The following NIPAL2 variants were observed in gnomAD, a reference collection of about 807,000 sequenced individuals.
NIPAL2 encodes the protein NIPA like domain containing 2, also known as NIPA-like protein 2.
NIPAL2 carries 43 observed loss-of-function variants against 48.9 expected under a neutral mutation model. The ratio of observed to expected loss-of-function variants is 0.88; its 90% confidence interval spans 0.69 to 1.13. The LOEUF (loss-of-function observed/expected upper bound fraction) is 1.13. NIPAL2 is among the 50% of genes most tolerant of loss of function. NIPAL2 has a pLI of 0.00. For missense variants in NIPAL2, 446 were observed against 461.4 expected (o/e 0.97, Z 0.31); for synonymous variants, 167 against 174.6 (o/e 0.96, Z 0.34).
chr8:98,259,633 G>A lies in NIPAL2; in HGVS notation c.136-5546C>T, dbSNP rs115948481. ...CTTGAATTCAGGCTACAAATGCAGC[G>A]AAAGTACGCTAGTTCCAAGACTAGG... is the stretch of plus-strand genomic sequence containing the variant. On this transcript the variant is annotated intron_variant, in intron 1 of 10. Transcript: ENST00000430223. Among the ~76,000 whole-genome samples, 1,084 of 152,262 alleles carry A rather than the reference G, an allele frequency of 7.1e-3. 10 individuals carry two copies. Among genetic ancestry groups the A allele is most frequent in the African/African-American group, 0.025 (1,022 of 41,534 alleles).
intron 1 of NIPAL2, among the ~76,000 whole-genome samples, chr8:98,254,892 C>T (rs1206667767): frequency 6.6e-6 from 1 of 152,240 alleles, no homozygotes; most frequent in Non-Finnish European, 1.5e-5. Context: ...AAACCTCGCC[C>T]TCCTGGCCTG....
chr8:98,207,845 T>C (rs1383907355), intron 6 of NIPAL2, among the ~76,000 whole-genome samples: 1 of 152,260 alleles, frequency 6.6e-6, no homozygotes, highest in Non-Finnish European at 1.5e-5. Flanking sequence ...TAAAGTATTT[T>C]CTATTTCATT....
In NIPAL2 at chr8:98,205,263, A is replaced by AAAACAC; in HGVS notation, c.656-23_656-18dup. ...TCAATGAGGCTGAAAAAGAAAACAA[A>AAAACAC]AAACACAAATAAAGAACATATTTCA... On this transcript the variant is annotated splice_polypyrimidine_tract_variant and intron_variant, in intron 6 of 10. Coordinates refer to ENST00000430223, the MANE Select transcript of NIPAL2 (RefSeq NM_001321635.2). 1 of 1,597,654 alleles carries AAAACAC rather than the reference A, an allele frequency of 6.3e-7. No homozygotes were observed. The highest frequency in any genetic ancestry group is 8.5e-7 in the Non-Finnish European group (1 of 1,174,494).
chr8:98,264,686 G>T (rs913748344), intron 1 of NIPAL2, among the ~76,000 whole-genome samples: 2 of 150,600 alleles, frequency 1.3e-5, no homozygotes, highest in African/African-American at 4.9e-5. Context: ...AATCAATATC[G>T]TGAAAATGGC....
rs71572005 is a variant in NIPAL2, at chr8:98,280,736, CTATATA to C, written c.135+13261_135+13266del. ...CCTCTGACTTTCAAATAGTCCATTA[CTATATA>C]TATATATATATATATATATAGAGAG... is the stretch of plus-strand genomic sequence containing the variant. On this transcript the variant is annotated intron_variant, in intron 1 of 10. Coordinates refer to ENST00000430223, the MANE Select transcript of NIPAL2 (RefSeq NM_001321635.2). 7.9e-4 allele frequency among the ~76,000 whole-genome samples: 31 copies of C among 39,024 alleles called. 1 individual carries two copies. The highest frequency in any genetic ancestry group is 3.3e-3 in the Admixed American group (10 of 3,052). The allele number at this position is 39,024 out of a possible 152,430, so 25.6% of individuals were successfully genotyped here. A position where few individuals can be genotyped will look rare whatever the true frequency, so the allele number is the denominator to read the frequency against.
intron 4 of NIPAL2, 46 bp downstream of exon 4, chr8:98,236,109 C>T (rs1192060770): frequency 7.7e-7 from 1 of 1,294,600 alleles, no homozygotes; most frequent in East Asian, 2.4e-5. Flanking sequence ...TTATTTATTT[C>T]CTGATCAAGC....
At chr8:98,233,550 A>G (rs1266754057) in intron 4 of NIPAL2, among the ~76,000 whole-genome samples, 1 of 152,212 alleles carries the variant, frequency 6.6e-6, no homozygotes, top group Non-Finnish European at 1.5e-5. Flanking sequence ...AGTGAGGCTT[A>G]GAGAAGTTAA....
chr8:98,223,236 C>T (rs1015555182), intron 4 of NIPAL2, among the ~76,000 whole-genome samples: 1 of 151,930 alleles, frequency 6.6e-6, no homozygotes, highest in South Asian at 2.1e-4. Context: ...CCAAGGTTAG[C>T]TTAGTAAAAT....
chr8:98,264,276 C>A (rs1814560555), intron 1 of NIPAL2, among the ~76,000 whole-genome samples: 1 of 115,164 alleles, frequency 8.7e-6, no homozygotes, highest in Non-Finnish European at 1.8e-5. Context: ...GAAGTTCTGG[C>A]CAGGGCAATT....
intron 8 of NIPAL2, among the ~76,000 whole-genome samples, chr8:98,201,452 A>T (rs1216542648): frequency 6.6e-6 from 1 of 152,054 alleles, no homozygotes; most frequent in African/African-American, 2.4e-5. Context: ...TGGTGTGACT[A>T]TAGCTCACTG....
At chr8:98,254,448 G>A (rs1332143033) in intron 1 of NIPAL2, among the ~76,000 whole-genome samples, 1 of 152,094 alleles carries the variant, frequency 6.6e-6, no homozygotes, top group Non-Finnish European at 1.5e-5. Context: ...ACTGTGATAT[G>A]AAAGAAAGAT....
intron 1 of NIPAL2, among the ~76,000 whole-genome samples, chr8:98,257,805 A>G (rs1813998079): frequency 6.6e-6 from 1 of 152,136 alleles, no homozygotes; most frequent in African/African-American, 2.4e-5. Flanking sequence ...AGGTCTTTAG[A>G]TAATAACTCT....
chr8:98,195,744 G>T (rs1810511520), intron 9 of NIPAL2, 198 bp downstream of exon 9: 1 of 452,780 alleles, frequency 2.2e-6, no homozygotes, highest in Non-Finnish European at 4.0e-6. Flanking sequence ...GAACAGCAGA[G>T]ATATACCTAA....
chr8:98,227,349 T>C (rs1307145037), intron 4 of NIPAL2, among the ~76,000 whole-genome samples: 1 of 152,110 alleles, frequency 6.6e-6, no homozygotes, highest in Admixed American at 6.5e-5. Context: ...ACCACAGCTG[T>C]GAATATGCTG....
intron 4 of NIPAL2, among the ~76,000 whole-genome samples, chr8:98,231,479 T>C (rs929677304): frequency 5.3e-5 from 8 of 152,198 alleles, no homozygotes; most frequent in Admixed American, 3.3e-4. Context: ...TTTATTTCCA[T>C]GATGACTCTA....
intron 4 of NIPAL2, among the ~76,000 whole-genome samples, chr8:98,228,192 T>C (rs1331951816): frequency 6.6e-6 from 1 of 152,250 alleles, no homozygotes; most frequent in East Asian, 1.9e-4. Context: ...CACCAGGTAC[T>C]GTGATTGCTC....
At chr8:98,253,332 T>C (rs777630448) in intron 2 of NIPAL2, among the ~76,000 whole-genome samples, 7 of 152,150 alleles carry the variant, frequency 4.6e-5, no homozygotes, top group Non-Finnish European at 1.0e-4. Flanking sequence ...CCATATAACA[T>C]CCTGGGAGAT....
At chr8:98,260,618 G>A (rs1265919053) in intron 1 of NIPAL2, among the ~76,000 whole-genome samples, 18 of 152,228 alleles carry the variant, frequency 1.2e-4, no homozygotes, top group Admixed American at 3.9e-4. Flanking sequence ...CACCTGGCTC[G>A]GAGGGTCCTA....
chr8:98,197,060 T>C (rs1487105575), intron 8 of NIPAL2, among the ~76,000 whole-genome samples: 1 of 152,132 alleles, frequency 6.6e-6, no homozygotes, highest in African/African-American at 2.4e-5. Context: ...GCATTTCAAG[T>C]TGGTTCTACA....
Sources: allele counts gnomAD v4.1 joint callset (sites outside exome capture counted in the v4.1 genomes callset), GRCh38; gene constraint gnomAD v4.1.1; transcripts MANE v1.5; gene names NCBI Gene and HGNC (gene_info 2026-07-23, HGNC 2026-07-21).